The following NRAP variants were observed in gnomAD, a reference collection of about 807,000 sequenced individuals.
The protein encoded by NRAP is nebulin related anchoring protein.
NRAP carries 189 observed loss-of-function variants against 225.9 expected under a neutral mutation model. That is an observed-to-expected ratio of 0.84 (90% CI 0.74 to 0.94). The LOEUF (loss-of-function observed/expected upper bound fraction) is 0.94, where lower values mean the gene tolerates loss of function less well. NRAP is among the 40% of genes least tolerant of loss of function. NRAP has a pLI of 0.00. For missense variants in NRAP, 2,176 were observed against 2,168.7 expected (o/e 1.00, Z -0.07); for synonymous variants, 769 against 790.7 (o/e 0.97, Z 0.46).
At chr10:113,644,456 GT>G (rs1398948065) in intron 11 of NRAP, among the ~76,000 whole-genome samples, 2 of 152,230 alleles carry the variant, frequency 1.3e-5, no homozygotes, top group Non-Finnish European at 2.9e-5. Flanking sequence ...CTCTGCCCTT[GT>G]AGCTCCAAAG....
chr10:113,633,989 T>A lies in NRAP; in HGVS notation c.1527+123A>T. ...TTTAAAAGAAGTGGGGGTCATTTTC[T>A]GGCTGTAATAAGACATGTGTCACAA... On this transcript the variant is annotated intron_variant, in intron 15 of 41. Transcript: ENST00000359988. 5.7e-6 allele frequency: 4 copies of A among 696,658 alleles called. No homozygotes were observed. The South Asian group carries it at 7.0e-5, about 12-fold the overall frequency. The allele number at this position is 696,658 out of a possible 1,614,324, so 43.2% of individuals were successfully genotyped here. A position where few individuals can be genotyped will look rare whatever the true frequency, so the allele number is the denominator to read the frequency against.
intron 1 of NRAP, 145 bp downstream of exon 1, chr10:113,663,666 T>TA: frequency 1.5e-6 from 1 of 685,266 alleles, no homozygotes; most frequent in Non-Finnish European, 2.5e-6. Flanking sequence ...TAGAACTAAA[T>TA]AAAGGTGAGA....
At chr10:113,589,534 G>A in intron 41 of NRAP, 132 bp downstream of exon 41, 6 of 1,114,888 alleles carry the variant, frequency 5.4e-6, no homozygotes, top group South Asian at 1.5e-5. Context: ...TAGGCGCCTT[G>A]TTTGAGCTGC....
intron 1 of NRAP, among the ~76,000 whole-genome samples, 167 bp from the exon 2 acceptor site, chr10:113,663,613 T>A (rs1850833475): frequency 8.1e-6 from 1 of 123,064 alleles, no homozygotes; most frequent in Admixed American, 7.4e-5. Flanking sequence ...AATAAATGGA[T>A]AACTTTTTTT....
Position 113,640,255 on chromosome 10 carries a change from G to A in NRAP, c.1400C>T (p.Thr467Ile). 2 of 1,606,490 alleles carry A rather than the reference G, an allele frequency of 1.2e-6. No individual in the cohort carries two copies. The highest frequency in any genetic ancestry group is 1.7e-6 in the Non-Finnish European group (2 of 1,176,054). ...TTTCAAGGGCACCAGTTTCATAGCT[G>A]TTTGATAGGAAGGCGTGAGAGTGGC... is the stretch of plus-strand genomic sequence containing the variant. ...YPATLTPSYQ[T>I]AMKLVPLKDA... Residue 467 changes from threonine (T) to isoleucine (I), a missense_variant, in exon 14 of 42, where the codon ACA (threonine) becomes ATA (isoleucine). Thr to Ile is a moderately conservative substitution (Grantham distance 89). This residue lies in a region of NRAP where 1,708 missense variants were observed against 1,695.5 expected (regional missense o/e 1.01). Transcript: ENST00000359988.
chr10:113,610,354 TAA>T (rs35334254), intron 31 of NRAP, 103 bp downstream of exon 31: 25,371 of 385,418 alleles, frequency 0.066, no homozygotes, highest in South Asian at 0.078. Flanking sequence ...CATCTCAAAT[TAA>T]AAAAAAAAAA....
chr10:113,641,366 T>G lies in NRAP; in HGVS notation c.1322A>C (p.Asn441Thr), dbSNP rs770701018. 6.2e-7 allele frequency: 1 copy of G among 1,607,912 alleles called. No homozygotes were observed. The highest frequency in any genetic ancestry group is 8.5e-7 in the Non-Finnish European group (1 of 1,174,600). Reference sequence around the variant, plus strand: ...AGACCCTGGCATAAAAGGACTCACGTTGCTTGCCAGGCTGCCAACTTTCAT... The same window carrying G: ...AGACCCTGGCATAAAAGGACTCACGGTGCTTGCCAGGCTGCCAACTTTCAT... ...HAMKVGSLASNVAYKADYKHD... is the reference protein window; with the variant it reads ...HAMKVGSLASTVAYKADYKHD... Residue 441 changes from asparagine (N) to threonine (T), a missense_variant and splice_region_variant, in exon 13 of 42, where the codon AAC (asparagine) becomes ACC (threonine). Asn to Thr is a moderately conservative substitution (Grantham distance 65). Transcript: ENST00000359988.
At chr10:113,641,978 A>C (rs1564746901) in intron 12 of NRAP, among the ~76,000 whole-genome samples, 1 of 152,196 alleles carries the variant, frequency 6.6e-6, no homozygotes, top group African/African-American at 2.4e-5. Flanking sequence ...TGAAATAATT[A>C]TGTTATGTGT....
intron 14 of NRAP, among the ~76,000 whole-genome samples, chr10:113,638,693 C>T (rs991294566): frequency 3.9e-5 from 6 of 152,122 alleles, no homozygotes; most frequent in South Asian, 4.1e-4. Flanking sequence ...AAAAGGTGAG[C>T]GTATTAGTTT....
At chr10:113,602,821 A>G (rs1846685805) in intron 35 of NRAP, among the ~76,000 whole-genome samples, 1 of 152,140 alleles carries the variant, frequency 6.6e-6, no homozygotes, top group African/African-American at 2.4e-5. Context: ...CATATAGACC[A>G]GTTCTCCACT....
At position 113,604,730 on chromosome 10, in the gene NRAP, G is replaced by T. The variant is rs1048890036; in HGVS notation, c.4106C>A (p.Ala1369Asp). The T allele has an allele frequency of 5.0e-6, 8 of 1,614,186 alleles. No homozygotes were observed. The highest frequency in any genetic ancestry group is 6.8e-6 in the Non-Finnish European group (8 of 1,180,026). The change falls in exon 35 of 42, where the codon GCC becomes GAC. Residue 1369 changes from alanine (A) to aspartate (D), a missense_variant. This residue lies in a region of NRAP where 23 missense variants were observed against 47.1 expected (regional missense o/e 0.49). Coordinates refer to ENST00000359988, the MANE Select transcript of NRAP (RefSeq NM_198060.4). ...GCTGGCCAGAGCCTGGGCATTCTTG[G>T]CATGGACCAGGTGCACCATGTCCAT... Reference protein sequence around the residue: ...LPMDMVHLVHAKNAQALASDH... With the variant: ...LPMDMVHLVHDKNAQALASDH...
At chr10:113,604,579 C>A (rs575155630) in intron 35 of NRAP, 30 bp downstream of exon 35, 3 of 1,591,388 alleles carry the variant, frequency 1.9e-6, no homozygotes, top group Admixed American at 3.4e-5. Flanking sequence ...AGGCTGGGGG[C>A]TGGTTTGCAT....
Position 113,604,629 on chromosome 10 carries a change from C to T in NRAP, c.4207G>A (p.Ala1403Thr). 2 of 1,613,768 alleles carry T rather than the reference C, an allele frequency of 1.2e-6. No homozygotes were observed. Among genetic ancestry groups the T allele is most frequent in the East Asian group, 2.2e-5 (1 of 44,870 alleles). ...CCTACCTCACTCTGCAGGGCATGGG[C>T]TTTCTTGGCCCAGGCCATCTTCAGG... ...EDLKMAWAKK[A>T]HALQSELRYK... The change falls in exon 35 of 42, where the codon GCC becomes ACC. Residue 1403 changes from alanine to threonine, a missense_variant. Around this residue, in one of 3 missense-constraint regions of NRAP, gnomAD observed 445 missense variants for 426.1 expected, o/e 1.04. Transcript: ENST00000359988.
At chr10:113,628,777 G>T in intron 20 of NRAP, 140 bp downstream of exon 20, 1 of 594,996 alleles carries the variant, frequency 1.7e-6, no homozygotes, top group Non-Finnish European at 3.0e-6. Flanking sequence ...ATGTGCTACA[G>T]GTGTGAAATG....
At position 113,608,572 on chromosome 10, in the gene NRAP, G is replaced by A. The variant is rs1592752842; in HGVS notation, c.3604-60C>T. 4.6e-6 allele frequency: 5 copies of A among 1,090,440 alleles called. No individual in the cohort carries two copies. In the East Asian group the frequency reaches 1.2e-4, roughly 26 times the overall value. 67.5% of individuals were successfully genotyped at this position (1,090,440 alleles called of 1,614,324 possible). A position where few individuals can be genotyped will look rare whatever the true frequency, so the allele number is the denominator to read the frequency against. ...CCGTAAGGGATAAAAACCAGAAGCA[G>A]AACCAGTTCTTTAAGTATTAGCCAT... is the stretch of plus-strand genomic sequence containing the variant. On this transcript the variant is annotated intron_variant, in intron 31 of 41. Transcript: ENST00000359988.
chr10:113,615,128 CT>C (rs1847573112), intron 27 of NRAP, among the ~76,000 whole-genome samples, 182 bp from the exon 28 acceptor site: 1 of 150,646 alleles, frequency 6.6e-6, no homozygotes. Context: ...GTGCCCACCT[CT>C]TTGGAGGTAG....
Position 113,651,425 on chromosome 10 carries a change from G to A in NRAP, c.675+378C>T, listed in dbSNP as rs138281931. ...TGTGTGCCATGGTGGTTTGCTGTACGTATCAGCCCATCACCTAGGTATTAA... is the reference window on the plus strand; with the variant it reads ...TGTGTGCCATGGTGGTTTGCTGTACATATCAGCCCATCACCTAGGTATTAA... On this transcript the variant is annotated intron_variant, in intron 7 of 41. Transcript: ENST00000359988. Among the ~76,000 whole-genome samples the A allele has an allele frequency of 4.0e-3, 608 of 152,212 alleles. 2 individuals are homozygous for A. Among genetic ancestry groups the A allele is most frequent in the Non-Finnish European group, 7.1e-3 (480 of 68,014 alleles).
At position 113,642,988 on chromosome 10, in the gene NRAP, G is replaced by A. The variant is rs760415566; in HGVS notation, c.1161C>T (p.Tyr387=). 14 of 1,607,782 alleles carry A rather than the reference G, an allele frequency of 8.7e-6. No individual in the cohort carries two copies. The highest frequency in any genetic ancestry group is 3.3e-5 in the Admixed American group (2 of 59,988). ...LESSRGHSIN[Y]CETPQFRNVS... ...CGTTCCTGAATTGAGGTGTTTCACA[G>A]TAGTTGATACTGTGACCTCTACTAC... Residue 387 remains tyrosine, a synonymous_variant, in exon 12 of 42, where the codon TAC becomes TAT. Coordinates refer to ENST00000359988, the MANE Select transcript of NRAP (RefSeq NM_198060.4).
intron 20 of NRAP, among the ~76,000 whole-genome samples, chr10:113,627,606 C>G (rs1264621776): frequency 6.6e-6 from 1 of 152,156 alleles, no homozygotes; most frequent in Non-Finnish European, 1.5e-5. Context: ...CCACCTCATT[C>G]TATATTCTAA....
Sources: gnomAD v4.1 joint callset for allele counts (sites outside exome capture counted in the v4.1 genomes callset) on GRCh38, gnomAD v4.1.1 for gene constraint, gnomAD v4.1.1 regional missense constraint, MANE v1.5 for transcripts, NCBI Gene and HGNC (gene_info 2026-07-23, HGNC 2026-07-21) for gene names.